TAFA2: variants seen among roughly 807,000 people sequenced by gnomAD.
TAFA2 encodes chemokine-like protein TAFA-2.
TAFA2 carries 7 observed loss-of-function variants against 18.8 expected under a neutral mutation model. The ratio of observed to expected loss-of-function variants is 0.37; its 90% CI spans 0.21 to 0.70. The LOEUF (loss-of-function observed/expected upper bound fraction) is 0.70, where lower values mean the gene tolerates loss of function less well. Among genes scored for constraint, TAFA2 ranks in the 30% least tolerant of loss-of-function variants. The probability of loss-of-function intolerance (pLI) is 0.53; values close to 1 mark genes in which losing one functional copy is unlikely to be tolerated. For missense variants in TAFA2, 122 were observed against 158.1 expected, an observed-to-expected ratio of 0.77 and a Z score of 1.23; for synonymous variants, 60 against 54.2, an observed-to-expected ratio of 1.11 and a Z score of -0.47.
intron 1 of TAFA2, among the ~76,000 whole-genome samples, chr12:61,980,678 G>A (rs900140821): frequency 6.6e-6 from 1 of 152,116 alleles, no homozygotes; most frequent in Admixed American, 6.5e-5. Flanking sequence ...CAAACGGAGA[G>A]CCAAATCATG....
intron 2 of TAFA2, among the ~76,000 whole-genome samples, chr12:61,865,820 G>C (rs1027371325): frequency 1.3e-5 from 2 of 152,240 alleles, no homozygotes; most frequent in East Asian, 3.9e-4. Context: ...CAATTTCTAT[G>C]ATCCCCCACT....
chr12:62,063,579 G>A (rs348658), intron 1 of TAFA2, among the ~76,000 whole-genome samples: 99,788 of 151,934 alleles, frequency 0.66, 34,017 homozygotes, highest in Middle Eastern at 0.79. Flanking sequence ...CAGAGACACC[G>A]AAGTGTTCAT....
intron 1 of TAFA2, among the ~76,000 whole-genome samples, chr12:62,204,895 G>A (rs1241107300): frequency 1.3e-5 from 2 of 152,104 alleles, no homozygotes; most frequent in African/African-American, 4.8e-5. Context: ...TCATTTGGAG[G>A]AGAAGAGGTA....
At chr12:62,107,907 A>G (rs1869531814) in intron 1 of TAFA2, among the ~76,000 whole-genome samples, 1 of 148,374 alleles carries the variant, frequency 6.7e-6, no homozygotes, top group South Asian at 2.1e-4. Flanking sequence ...TGCTGTAAAG[A>G]GTATTGTCTA....
At chr12:62,255,836 T>C (rs1319656447) in intron 1 of TAFA2, among the ~76,000 whole-genome samples, 2 of 148,672 alleles carry the variant, frequency 1.3e-5, no homozygotes, top group African/African-American at 5.0e-5. Context: ...TCTGGGCAAC[T>C]GGAGAGTGAG....
intron 1 of TAFA2, among the ~76,000 whole-genome samples, chr12:62,172,709 G>C (rs1363091147): frequency 4.6e-5 from 7 of 152,104 alleles, no homozygotes; most frequent in Non-Finnish European, 8.8e-5. Context: ...ACACAAAGTA[G>C]GTGCCTAATA....
intron 1 of TAFA2, among the ~76,000 whole-genome samples, chr12:62,129,481 T>A (rs1427692060): frequency 6.6e-6 from 1 of 151,968 alleles, no homozygotes; most frequent in South Asian, 2.1e-4. Flanking sequence ...CAATCAGGAA[T>A]CTCCACAAAC....
chr12:61,728,601 C>T (rs1870285699), intron 4 of TAFA2, among the ~76,000 whole-genome samples: 1 of 151,838 alleles, frequency 6.6e-6, no homozygotes, highest in African/African-American at 2.4e-5. Context: ...ACCCCTTTGC[C>T]TTAAGTTTAT....
At chr12:61,979,054 A>G (rs193167996) in intron 1 of TAFA2, among the ~76,000 whole-genome samples, 44 of 152,208 alleles carry the variant, frequency 2.9e-4, no homozygotes, top group Non-Finnish European at 5.7e-4. Context: ...GTGCTAAACT[A>G]TAATAGGTTA....
intron 1 of TAFA2, among the ~76,000 whole-genome samples, chr12:61,940,452 T>C (rs1877953989): frequency 6.6e-6 from 1 of 152,108 alleles, no homozygotes; most frequent in African/African-American, 2.4e-5. Context: ...TACACAAAGG[T>C]GCCCAGGTGG....
intron 1 of TAFA2, among the ~76,000 whole-genome samples, chr12:62,050,373 A>G (rs1008474818): frequency 3.9e-5 from 6 of 152,106 alleles, no homozygotes; most frequent in Non-Finnish European, 8.8e-5. Context: ...GATCAAGACC[A>G]TCCTGGCTAA....
intron 1 of TAFA2, among the ~76,000 whole-genome samples, chr12:62,102,550 A>G (rs1301743441): frequency 6.6e-6 from 1 of 152,196 alleles, no homozygotes; most frequent in Non-Finnish European, 1.5e-5. Context: ...AGAATGTACA[A>G]TGATTGCTGA....
chr12:61,726,839 G>A (rs1398313119), intron 4 of TAFA2, among the ~76,000 whole-genome samples: 2 of 151,922 alleles, frequency 1.3e-5, no homozygotes, highest in Non-Finnish European at 2.9e-5. Flanking sequence ...ACTCCTCCCT[G>A]TTCAGTATAA....
chr12:61,733,616 T>C (rs1868257592), intron 4 of TAFA2, among the ~76,000 whole-genome samples: 1 of 148,134 alleles, frequency 6.8e-6, no homozygotes, highest in South Asian at 2.2e-4. Context: ...GGCTCTGTTC[T>C]GTTCCATTGA....
chr12:61,961,638 A>G (rs1878889234), intron 1 of TAFA2, among the ~76,000 whole-genome samples: 1 of 151,970 alleles, frequency 6.6e-6, no homozygotes, highest in South Asian at 2.1e-4. Context: ...CAGAAAAACT[A>G]AATAGCCGAA....
intron 1 of TAFA2, among the ~76,000 whole-genome samples, chr12:61,912,688 C>G (rs971084000): frequency 6.6e-6 from 1 of 152,126 alleles, no homozygotes; most frequent in African/African-American, 2.4e-5. Flanking sequence ...GTGTCAGCAT[C>G]CAAAAGTGGA....
chr12:62,212,736 C>G (rs1396543364), intron 1 of TAFA2, among the ~76,000 whole-genome samples: 3 of 152,090 alleles, frequency 2.0e-5, no homozygotes, highest in Non-Finnish European at 4.4e-5. Flanking sequence ...CTTTTTTATT[C>G]ATTTGGCATT....
intron 1 of TAFA2, among the ~76,000 whole-genome samples, chr12:62,068,364 G>A (rs994479227): frequency 2.6e-5 from 4 of 152,132 alleles, no homozygotes; most frequent in African/African-American, 7.2e-5. Flanking sequence ...AGCTACCTAG[G>A]CAAATCAACC....
intron 1 of TAFA2, among the ~76,000 whole-genome samples, chr12:61,934,984 G>T (rs1035697044): frequency 1.3e-5 from 2 of 152,066 alleles, no homozygotes; most frequent in Non-Finnish European, 2.9e-5. Context: ...TAAAAAGTAG[G>T]TTCACTTGAC....
Sources: allele counts gnomAD v4.1 joint callset (sites outside exome capture counted in the v4.1 genomes callset), GRCh38; gene constraint gnomAD v4.1.1; transcripts MANE v1.5; gene names NCBI Gene and HGNC (gene_info 2026-07-23, HGNC 2026-07-21).